Variants in GCSAM observed in about 807,000 individuals in gnomAD.
GCSAM encodes germinal center-associated signaling and motility protein.
GCSAM carries 8 observed loss-of-function variants against 17.6 expected under a neutral mutation model. The observed-to-expected ratio is 0.46, with a 90% CI of 0.27 to 0.82. The LOEUF is 0.82. GCSAM is among the 40% of genes least tolerant of loss of function. The pLI is 0.15. For synonymous variants in GCSAM, 68 were observed against 69.0 expected (o/e 0.98, Z 0.07); for missense variants, 192 against 213.5 (o/e 0.90, Z 0.63).
At position 112,133,168 on chromosome 3, in the gene GCSAM, T is replaced by G; in HGVS notation, c.-48A>C. The stretch of plus-strand genomic sequence containing the variant: ...CCCCTCCGTCCCTTTACCACTTCCT[T>G]CTTGCCTTGTGCTCTGACAGGGCAA... On this transcript the variant is annotated 5_prime_UTR_variant, in exon 1 of 6. Transcript: ENST00000308910. 1 of 1,607,222 alleles carries G rather than the reference T, an allele frequency of 6.2e-7. No homozygotes were observed.
chr3:112,130,809 A>G (rs959484736), intron 1 of GCSAM: 1 of 414,788 alleles, frequency 2.4e-6, no homozygotes, highest in Admixed American at 3.5e-5. Context: ...GACCCTTGAG[A>G]GTATCCGTGT....
At chr3:112,129,732 C>T (rs1228993010) in intron 2 of GCSAM, 3 of 152,204 alleles carry the variant, frequency 2.0e-5, no homozygotes, top group Non-Finnish European at 4.4e-5. Flanking sequence ...CTCTGGGTCT[C>T]CAGCCCCTAA....
chr3:112,131,320 C>T (rs1384836990), intron 1 of GCSAM, among the ~76,000 whole-genome samples: 1 of 152,084 alleles, frequency 6.6e-6, no homozygotes, highest in Non-Finnish European at 1.5e-5. Flanking sequence ...GGATGAGTGC[C>T]ATTCTATTCT....
chr3:112,123,166 G>C lies in GCSAM; in HGVS notation c.*289C>G. On this transcript the variant is annotated 3_prime_UTR_variant, in exon 6 of 6. Coordinates refer to ENST00000308910, the MANE Select transcript of GCSAM (RefSeq NM_152785.5). The stretch of plus-strand genomic sequence containing the variant: ...AGCAGAGCCCCTTGTGGTGTGCATA[G>C]CTTTAGGGGAATCAGGGAGCCCCTC... The C allele has an allele frequency of 2.2e-6, 1 of 446,722 alleles. No homozygotes were observed. The allele number at this position is 446,722 out of a possible 1,614,324, so 27.7% of individuals were successfully genotyped here. A position where few individuals can be genotyped will look rare whatever the true frequency, so the allele number is the denominator to read the frequency against.
chr3:112,127,082 A>C (rs1306163969), intron 3 of GCSAM, 49 bp from the exon 4 acceptor site: 1 of 1,228,826 alleles, frequency 8.1e-7, no homozygotes, highest in East Asian at 2.3e-5. Flanking sequence ...GAAACTCTCA[A>C]AGGAAATGAC....
intron 2 of GCSAM, chr3:112,128,544 G>T: frequency 7.3e-6 from 2 of 274,756 alleles, no homozygotes; most frequent in South Asian, 3.9e-5. Context: ...ACAAAGCTGG[G>T]GACCATATTG....
At chr3:112,126,558 CAA>C (rs1283698807) in intron 4 of GCSAM, among the ~76,000 whole-genome samples, 2 of 152,166 alleles carry the variant, frequency 1.3e-5, no homozygotes, top group Non-Finnish European at 2.9e-5. Flanking sequence ...ATCTTTAATA[CAA>C]ATCTAATCAT....
Position 112,123,072 on chromosome 3 carries a change from G to A in GCSAM, c.*383C>T. 3 of 238,182 alleles carry A rather than the reference G, an allele frequency of 1.3e-5. No homozygotes were observed. Among genetic ancestry groups the A allele is most frequent in the Non-Finnish European group, 2.5e-5 (3 of 121,376 alleles). The allele number at this position is 238,182 out of a possible 1,614,324, so 14.8% of individuals were successfully genotyped here. A position where few individuals can be genotyped will look rare whatever the true frequency, so the allele number is the denominator to read the frequency against. The stretch of plus-strand genomic sequence containing the variant: ...CCCCCTTGGGCACACTTAGTATGAT[G>A]AGTAAAGCTTCCTTGTGACTTTAGA... On this transcript the variant is annotated 3_prime_UTR_variant, in exon 6 of 6. Transcript: ENST00000308910.
chr3:112,125,186 A>G (rs773762537), intron 5 of GCSAM, 40 bp downstream of exon 5: 15 of 1,367,014 alleles, frequency 1.1e-5, no homozygotes, highest in Non-Finnish European at 1.6e-5. Context: ...CTGTACTTCT[A>G]TCATCATCTC....
intron 4 of GCSAM, among the ~76,000 whole-genome samples, chr3:112,126,459 C>T (rs944868251): frequency 2.6e-5 from 4 of 152,174 alleles, no homozygotes; most frequent in African/African-American, 9.7e-5. Context: ...TCACCAGAGA[C>T]TACTGCACCA....
At chr3:112,126,885 G>A in intron 4 of GCSAM, 102 bp downstream of exon 4, 1 of 822,064 alleles carries the variant, frequency 1.2e-6, no homozygotes, top group Non-Finnish European at 2.1e-6. Context: ...TGTAGATATT[G>A]TAATTGAAAT....
At position 112,133,217 on chromosome 3, in the gene GCSAM, T is replaced by C; in HGVS notation, c.-97A>G. 7.3e-7 allele frequency: 1 copy of C among 1,368,842 alleles called. No individual in the cohort carries two copies. The highest frequency in any genetic ancestry group is 1.0e-6 in the Non-Finnish European group (1 of 959,748). 84.8% of individuals were successfully genotyped at this position (1,368,842 alleles called of 1,614,324 possible). A position where few individuals can be genotyped will look rare whatever the true frequency, so the allele number is the denominator to read the frequency against. On this transcript the variant is annotated 5_prime_UTR_variant, in exon 1 of 6. Transcript: ENST00000308910. ...AACTCCTGACTTAAAGAAAGGGCTG[T>C]GTGGCTCTGGCCACCCGTGCAGAGA...
In GCSAM at chr3:112,125,473, C is replaced by G. The variant is rs141076272; in HGVS notation, c.191-219G>C. Among the ~76,000 whole-genome samples the G allele has an allele frequency of 2.5e-3, 374 of 152,274 alleles. 2 individuals are homozygous for G. Among genetic ancestry groups the G allele is most frequent in the African/African-American group, 8.6e-3 (359 of 41,546 alleles). ...AGCCTGAGAGGTGAGAGGGGGGAGACACATTTGGTTAGTCTTTGGAAAGGA... is the reference window on the plus strand; with the variant it reads ...AGCCTGAGAGGTGAGAGGGGGGAGAGACATTTGGTTAGTCTTTGGAAAGGA... On this transcript the variant is annotated intron_variant, in intron 4 of 5. Transcript: ENST00000308910.
chr3:112,131,342 C>T (rs1168101391), intron 1 of GCSAM, among the ~76,000 whole-genome samples: 1 of 152,090 alleles, frequency 6.6e-6, no homozygotes, highest in Non-Finnish European at 1.5e-5. Context: ...TGCAAAATTT[C>T]CCTGACTTCT....
At chr3:112,124,186 G>A (rs747099056) in intron 5 of GCSAM, among the ~76,000 whole-genome samples, 16 of 152,174 alleles carry the variant, frequency 1.1e-4, no homozygotes, top group Non-Finnish European at 2.1e-4. Context: ...AGAACCATGA[G>A]CCAAATAAAC....
chr3:112,123,252 G>A lies in GCSAM; in HGVS notation c.*203C>T, dbSNP rs1464397597. The A allele has an allele frequency of 1.1e-6, 1 of 928,870 alleles. No individual in the cohort carries two copies. Among genetic ancestry groups the A allele is most frequent in the Non-Finnish European group, 1.6e-6 (1 of 641,064 alleles). The allele number at this position is 928,870 out of a possible 1,614,324, so 57.5% of individuals were successfully genotyped here. A position where few individuals can be genotyped will look rare whatever the true frequency, so the allele number is the denominator to read the frequency against. On this transcript the variant is annotated 3_prime_UTR_variant, in exon 6 of 6. Transcript: ENST00000308910. ...GATGGTTACCTCTTTCTCAAATGGTGTTGTTCAGGATAAATGGTTGATCTT... is the reference window on the plus strand; with the variant it reads ...GATGGTTACCTCTTTCTCAAATGGTATTGTTCAGGATAAATGGTTGATCTT...
chr3:112,122,444 T>C lies in GCSAM; in HGVS notation c.*1011A>G, dbSNP rs2074218286. 6.6e-6 allele frequency: 1 copy of C among 152,182 alleles called. No individual in the cohort carries two copies. Among genetic ancestry groups the C allele is most frequent in the African/African-American group, 2.4e-5 (1 of 41,444 alleles). The allele number at this position is 152,182 out of a possible 1,614,324, so 9.4% of individuals were successfully genotyped here. On this transcript the variant is annotated 3_prime_UTR_variant, in exon 6 of 6. Coordinates refer to ENST00000308910, the MANE Select transcript of GCSAM (RefSeq NM_152785.5). ...GCTGATCCCTGGTTTAGAGGATAGA[T>C]ATAATTTGAGGAACACTAAGGAAAA...
intron 4 of GCSAM, among the ~76,000 whole-genome samples, chr3:112,126,722 CTTTTGTAT>C (rs1339160477): frequency 2.0e-5 from 3 of 152,174 alleles, no homozygotes; most frequent in African/African-American, 7.2e-5. Flanking sequence ...TCTCCTCCAC[CTTTTGTAT>C]CCTTGCCCCC....
Position 112,126,920 on chromosome 3 carries a change from A to G in GCSAM, c.190+67T>C. 5 of 1,079,622 alleles carry G rather than the reference A, an allele frequency of 4.6e-6. No individual in the cohort carries two copies. In the South Asian group the frequency reaches 6.6e-5, roughly 14 times the overall value. The allele number at this position is 1,079,622 out of a possible 1,614,324, so 66.9% of individuals were successfully genotyped here. A position where few individuals can be genotyped will look rare whatever the true frequency, so the allele number is the denominator to read the frequency against. On this transcript the variant is annotated intron_variant, in intron 4 of 5. Coordinates refer to ENST00000308910, the MANE Select transcript of GCSAM (RefSeq NM_152785.5). ...TATGCCTAAGGGGCTTTGGGAACAT[A>G]GAGAAGAAGTAGTTTGGAAATGTAA...
Sources: allele counts gnomAD v4.1 joint callset (sites outside exome capture counted in the v4.1 genomes callset), GRCh38; gene constraint gnomAD v4.1.1; transcripts MANE v1.5; gene names NCBI Gene and HGNC (gene_info 2026-07-23, HGNC 2026-07-21).